The following GRB14 variants were observed in gnomAD, a reference collection of about 807,000 sequenced individuals.
The protein encoded by GRB14 is growth factor receptor-bound protein 14.
A neutral mutation model predicts 69.1 loss-of-function variants in GRB14; 38 were observed. The ratio of observed to expected loss-of-function variants is 0.55; its 90% CI spans 0.42 to 0.72. The LOEUF is 0.72. Ranked by LOEUF, GRB14 falls within the 30% of genes least tolerant of loss-of-function variation. GRB14 has a pLI of 0.00. For missense variants in GRB14, 666 were observed against 666.1 expected (o/e 1.00, Z 0.00); for synonymous variants, 247 against 241.3 (o/e 1.02, Z -0.22).
intron 8 of GRB14, among the ~76,000 whole-genome samples, chr2:164,506,767 C>T (rs942260399): frequency 1.3e-5 from 2 of 151,876 alleles, no homozygotes; most frequent in African/African-American, 4.8e-5. Context: ...ATATAGAGAG[C>T]TATATATACA....
In GRB14 at chr2:164,500,029, A is replaced by G. The variant is rs150329237; in HGVS notation, c.1104+2226T>C. Among the ~76,000 whole-genome samples the G allele has an allele frequency of 2.6e-3, 396 of 152,256 alleles. 1 individual carries two copies. Among genetic ancestry groups the G allele is most frequent in the African/African-American group, 9.1e-3 (380 of 41,558 alleles). ...GATATGTCTGTTGTAGGGTTCTTTT[A>G]TGTTCCATAGAGTGGGAAATACAGT... On this transcript the variant is annotated intron_variant, in intron 9 of 13. Coordinates refer to ENST00000263915, the MANE Select transcript of GRB14 (RefSeq NM_004490.3).
chr2:164,573,227 C>A (rs1169057581), intron 2 of GRB14, among the ~76,000 whole-genome samples: 1 of 152,196 alleles, frequency 6.6e-6, no homozygotes, highest in Non-Finnish European at 1.5e-5. Context: ...CTCTTAGTTT[C>A]TCTGCTTCTC....
chr2:164,565,278 TCA>T (rs145190294), intron 2 of GRB14, among the ~76,000 whole-genome samples: 100 of 125,722 alleles, frequency 8.0e-4, no homozygotes, highest in East Asian at 6.8e-3. Context: ...TATCACACAC[TCA>T]CACACACACA....
chr2:164,550,199 T>C (rs1265654626), intron 2 of GRB14, among the ~76,000 whole-genome samples: 3 of 152,178 alleles, frequency 2.0e-5, no homozygotes, highest in Admixed American at 6.5e-5. Context: ...TCCTGGCCCA[T>C]GAAAATCTCC....
chr2:164,508,426 A>T, intron 8 of GRB14, 29 bp downstream of exon 8: 2 of 1,565,530 alleles, frequency 1.3e-6, no homozygotes, highest in Non-Finnish European at 8.8e-7. Flanking sequence ...ACAGCAGTTA[A>T]TAGAAATTCA....
intron 2 of GRB14, among the ~76,000 whole-genome samples, chr2:164,581,397 G>A (rs973694449): frequency 3.9e-5 from 6 of 152,168 alleles, no homozygotes; most frequent in African/African-American, 1.4e-4. Context: ...AAAAGAGAGA[G>A]AAAGAGGAGG....
chr2:164,569,520 T>C (rs1689074703), intron 2 of GRB14, among the ~76,000 whole-genome samples: 1 of 152,208 alleles, frequency 6.6e-6, no homozygotes, highest in South Asian at 2.1e-4. Context: ...AATTTCCAGA[T>C]TACAATGTGG....
chr2:164,509,326 A>AT (rs2105267512), intron 6 of GRB14, among the ~76,000 whole-genome samples: 1 of 152,112 alleles, frequency 6.6e-6, no homozygotes, highest in East Asian at 1.9e-4. Context: ...CATCCCTCAC[A>AT]TTTGTGTACA....
chr2:164,506,471 T>C (rs73020250), intron 8 of GRB14, among the ~76,000 whole-genome samples: 4,227 of 152,158 alleles, frequency 0.028, 166 homozygotes, highest in African/African-American at 0.094. Context: ...TATTGACAAA[T>C]ATATGAAGAA....
intron 2 of GRB14, among the ~76,000 whole-genome samples, chr2:164,556,095 C>T (rs1467240794): frequency 1.3e-5 from 2 of 152,054 alleles, no homozygotes; most frequent in East Asian, 1.9e-4. Context: ...AATTAAGCAA[C>T]TCAGTAGTTC....
chr2:164,526,020 T>C (rs1687766418), intron 4 of GRB14, among the ~76,000 whole-genome samples: 1 of 152,154 alleles, frequency 6.6e-6, no homozygotes, highest in Admixed American at 6.6e-5. Flanking sequence ...TTGAACAATA[T>C]TTCTTTAAAT....
At chr2:164,515,220 T>C (rs1175515489) in intron 6 of GRB14, among the ~76,000 whole-genome samples, 2 of 152,184 alleles carry the variant, frequency 1.3e-5, no homozygotes, top group Non-Finnish European at 2.9e-5. Context: ...TGATATGCTC[T>C]TGACAGTGCC....
chr2:164,603,089 A>T (rs985393804), intron 2 of GRB14, among the ~76,000 whole-genome samples: 6 of 152,178 alleles, frequency 3.9e-5, no homozygotes, highest in Admixed American at 3.3e-4. Context: ...ATAGTACCTC[A>T]GGGTCCCATT....
chr2:164,503,442 C>CAAAAAAAA (rs148268784), intron 8 of GRB14, among the ~76,000 whole-genome samples: 3 of 92,256 alleles, frequency 3.3e-5, no homozygotes, highest in Admixed American at 1.1e-4. Flanking sequence ...GGTAATTAGG[C>CAAAAAAAA]AAAAAAAAAA....
intron 8 of GRB14, among the ~76,000 whole-genome samples, chr2:164,507,289 T>C (rs1687216193): frequency 6.6e-6 from 1 of 152,082 alleles, no homozygotes; most frequent in Admixed American, 6.6e-5. Context: ...ACCTGGAAAA[T>C]ATACAAACTG....
chr2:164,526,077 A>C (rs915459413), intron 4 of GRB14, among the ~76,000 whole-genome samples: 1 of 152,134 alleles, frequency 6.6e-6, no homozygotes, highest in Non-Finnish European at 1.5e-5. Flanking sequence ...CAACAAAAAG[A>C]AACACTTTCT....
intron 2 of GRB14, among the ~76,000 whole-genome samples, chr2:164,605,253 T>G (rs1690016404): frequency 6.6e-6 from 1 of 151,862 alleles, no homozygotes; most frequent in Admixed American, 6.6e-5. Flanking sequence ...GAGAGAGAAA[T>G]AAAGAGGAGC....
chr2:164,502,300 T>C lies in GRB14; in HGVS notation c.1059A>G (p.Pro353=), dbSNP rs750518085. ...AACTGCAGCCACTTCTACCTTGATATGGATGCATATAATTCTGGTACAGCT... is the reference window on the plus strand; with the variant it reads ...AACTGCAGCCACTTCTACCTTGATACGGATGCATATAATTCTGGTACAGCT... The part of the protein sequence containing the change: ...GMQLYQNYMH[P]YQGRSGCSSQ... The change falls in exon 9 of 14, where the codon CCA becomes CCG. Residue 353 remains proline, a synonymous_variant. Transcript: ENST00000263915. The C allele has an allele frequency of 1.4e-5, 22 of 1,606,374 alleles. No homozygotes were observed. Among genetic ancestry groups the C allele is most frequent in the Non-Finnish European group, 1.7e-5 (20 of 1,173,624 alleles).
intron 2 of GRB14, among the ~76,000 whole-genome samples, chr2:164,618,859 T>C (rs1690372455): frequency 6.6e-6 from 1 of 152,234 alleles, no homozygotes; most frequent in African/African-American, 2.4e-5. Flanking sequence ...TTCAAGTACC[T>C]GGCTATTTCA....
Sources: allele counts gnomAD v4.1 joint callset (sites outside exome capture counted in the v4.1 genomes callset), GRCh38; gene constraint gnomAD v4.1.1; transcripts MANE v1.5; gene names NCBI Gene and HGNC (gene_info 2026-07-23, HGNC 2026-07-21).